Variants in SLC33A1 observed in about 807,000 individuals in gnomAD.
SLC33A1 encodes acetyl-coenzyme A transporter 1.
Under a neutral mutation model 50.0 loss-of-function variants are expected in SLC33A1, and 20 were observed. That is an observed-to-expected ratio of 0.40 (90% confidence interval 0.28 to 0.58). The LOEUF is 0.58. Among genes scored for constraint, SLC33A1 ranks in the 20% least tolerant of loss-of-function variants. The pLI, the probability that SLC33A1 is intolerant of heterozygous loss-of-function variation, is 0.44. For synonymous variants in SLC33A1, 265 were observed against 251.8 expected (o/e 1.05, Z -0.50); for missense variants, 476 against 657.0 (o/e 0.72, Z 3.01).
At position 155,853,616 on chromosome 3, in the gene SLC33A1, A is replaced by G. The variant is rs1362041838; in HGVS notation, c.382T>C (p.Leu128=). The part of the protein sequence containing the change: ...PFSLKLLWAP[L]VDAVYVKNFG... ...TTCTTAACGTAGACCGCATCAACCA[A>G]CGGGGCCCAGAGTAATTTGAGACTG... Residue 128 remains leucine (L), a synonymous_variant, in exon 1 of 6, where the codon TTG becomes CTG. Transcript: ENST00000643144. 6.2e-7 allele frequency: 1 copy of G among 1,614,174 alleles called. No individual in the cohort carries two copies.
chr3:155,849,600 A>AAG (rs1753315967), intron 1 of SLC33A1, among the ~76,000 whole-genome samples: 1 of 149,998 alleles, frequency 6.7e-6, no homozygotes. Context: ...AAAAAAAAAA[A>AAG]GGGGCAATTC....
In SLC33A1 at chr3:155,829,688, C is replaced by T. The variant is rs1421329552; in HGVS notation, c.1482G>A (p.Glu494=). The part of the protein sequence containing the change: ...NQNCRTPDAV[E]LCKKLGGSCV... Reference sequence around the variant, plus strand: ...TTATCTAAAATTAAAACATACTTACCTCAACAGCATCAGGTGTTCGACAAT... The same window carrying T: ...TTATCTAAAATTAAAACATACTTACTTCAACAGCATCAGGTGTTCGACAAT... The change falls in exon 5 of 6, where the codon GAG becomes GAA. Residue 494 remains glutamate, a splice_region_variant and synonymous_variant. Transcript: ENST00000643144. The T allele has an allele frequency of 1.9e-6, 3 of 1,604,560 alleles. No individual in the cohort carries two copies. The highest frequency in any genetic ancestry group is 2.6e-6 in the Non-Finnish European group (3 of 1,171,560).
chr3:155,838,619 T>G (rs1358527497), intron 2 of SLC33A1, among the ~76,000 whole-genome samples: 1 of 146,580 alleles, frequency 6.8e-6, no homozygotes, highest in Non-Finnish European at 1.5e-5. Context: ...AGGAGGAGGT[T>G]GCAGTGAGCA....
rs765973422 is a variant in SLC33A1 at position 155,854,009 on chromosome 3, T to C, written c.-12A>G. 6.5e-7 allele frequency: 1 copy of C among 1,535,736 alleles called. No homozygotes were observed. The highest frequency in any genetic ancestry group is 2.2e-5 in the Admixed American group (1 of 45,148). ...ATGGTGGGTGACATATCAGAGACGA[T>C]GCAGAGCCCCGTCTGTGGGGGGCCG... On this transcript the variant is annotated 5_prime_UTR_variant, in exon 1 of 6. Coordinates refer to ENST00000643144, the MANE Select transcript of SLC33A1 (RefSeq NM_004733.4).
At position 155,826,398 on chromosome 3, in the gene SLC33A1, A is replaced by C. The variant is rs1420126272; in HGVS notation, c.*1812T>G. On this transcript the variant is annotated 3_prime_UTR_variant, in exon 6 of 6. Transcript: ENST00000643144. The stretch of plus-strand genomic sequence containing the variant: ...TGAGACTCTGTCTCAATTAAAAAAA[A>C]AAAAAACTATGTTTGAAAGTATATA... 1 of 152,136 alleles carries C rather than the reference A, an allele frequency of 6.6e-6. No individual in the cohort carries two copies. The highest frequency in any genetic ancestry group is 1.5e-5 in the Non-Finnish European group (1 of 68,030). The allele number at this position is 152,136 out of a possible 1,614,324, so 9.4% of individuals were successfully genotyped here.
chr3:155,841,663 C>T (rs1291987332), intron 2 of SLC33A1, among the ~76,000 whole-genome samples: 1 of 151,974 alleles, frequency 6.6e-6, no homozygotes. Flanking sequence ...GTATAATTTT[C>T]CTTTCAGTAC....
In SLC33A1 at chr3:155,821,821, G is replaced by A. The variant is rs560723366; in HGVS notation, c.*6389C>T. On this transcript the variant is annotated 3_prime_UTR_variant, in exon 6 of 6. Coordinates refer to ENST00000643144, the MANE Select transcript of SLC33A1 (RefSeq NM_004733.4). ...TGAGTCTCACTCTATTGCCCAGGCT[G>A]GAGAATAGTAGCACAATCTCGGCTC... 1 of 149,948 alleles carries A rather than the reference G, an allele frequency of 6.7e-6. No individual in the cohort carries two copies. The highest frequency in any genetic ancestry group is 1.5e-5 in the Non-Finnish European group (1 of 67,708). The allele number at this position is 149,948 out of a possible 1,614,324, so 9.3% of individuals were successfully genotyped here. A position where few individuals can be genotyped will look rare whatever the true frequency, so the allele number is the denominator to read the frequency against.
chr3:155,847,310 T>C (rs1371737323), intron 1 of SLC33A1, among the ~76,000 whole-genome samples: 1 of 152,220 alleles, frequency 6.6e-6, no homozygotes, highest in Non-Finnish European at 1.5e-5. Flanking sequence ...TATGTAAGAA[T>C]ACCTGGTCTA....
At chr3:155,850,276 G>A (rs1753347073) in intron 1 of SLC33A1, among the ~76,000 whole-genome samples, 1 of 152,066 alleles carries the variant, frequency 6.6e-6, no homozygotes, top group East Asian at 1.9e-4. Flanking sequence ...CAAAGTGTTG[G>A]GATTACAGGC....
At chr3:155,851,762 G>A (rs1360982779) in intron 1 of SLC33A1, among the ~76,000 whole-genome samples, 3 of 152,096 alleles carry the variant, frequency 2.0e-5, no homozygotes, top group Non-Finnish European at 2.9e-5. Flanking sequence ...CCAGAACACT[G>A]AGACAAATCT....
chr3:155,830,839 CTG>C (rs1752397800), intron 4 of SLC33A1, among the ~76,000 whole-genome samples: 1 of 152,008 alleles, frequency 6.6e-6, no homozygotes, highest in South Asian at 2.1e-4. Context: ...ATGTGACAAA[CTG>C]GAGAAAAACA....
intron 5 of SLC33A1, among the ~76,000 whole-genome samples, chr3:155,829,303 A>G (rs1015235432): frequency 6.6e-6 from 1 of 152,240 alleles, no homozygotes; most frequent in African/African-American, 2.4e-5. Context: ...GAAAGAATTT[A>G]TCAACAAACC....
intron 1 of SLC33A1, among the ~76,000 whole-genome samples, chr3:155,848,448 C>T (rs542673615): frequency 1.2e-4 from 18 of 152,154 alleles, no homozygotes; most frequent in East Asian, 3.9e-4. Context: ...TTTGGGAGGC[C>T]GAGGCAGGCA....
At chr3:155,836,212 A>C (rs1410979152) in intron 2 of SLC33A1, among the ~76,000 whole-genome samples, 1 of 126,740 alleles carries the variant, frequency 7.9e-6, no homozygotes, top group East Asian at 2.8e-4. Flanking sequence ...TGAACCTGGG[A>C]GGTGGAAGTT....
In SLC33A1 at chr3:155,833,911, T is replaced by C. The variant is rs1353539345; in HGVS notation, c.1094A>G (p.Lys365Arg). 3 of 1,613,984 alleles carry C rather than the reference T, an allele frequency of 1.9e-6. No homozygotes were observed. Among genetic ancestry groups the C allele is most frequent in the South Asian group, 1.1e-5 (1 of 91,080 alleles). Residue 365 changes from lysine to arginine, a missense_variant, in exon 3 of 6, where the codon AAA (lysine) becomes AGA (arginine). Physicochemically the swap from Lys to Arg is conservative, Grantham distance 26. Transcript: ENST00000643144. ...TAATGGCTGGGGACCTGCAGTGTAT[T>C]TGCTGATAATCAGAGGCAGTATTAT... is the stretch of plus-strand genomic sequence containing the variant. ...LQIILPLIIS[K>R]YTAGPQPLNT...
intron 4 of SLC33A1, among the ~76,000 whole-genome samples, chr3:155,832,213 A>G (rs1752466393): frequency 6.6e-6 from 1 of 152,094 alleles, no homozygotes; most frequent in Non-Finnish European, 1.5e-5. Context: ...CCCCGTCTCT[A>G]CTAAAAAAAT....
chr3:155,846,229 T>G (rs907267834), intron 1 of SLC33A1, among the ~76,000 whole-genome samples: 3 of 152,194 alleles, frequency 2.0e-5, no homozygotes, highest in African/African-American at 7.2e-5. Context: ...TACTCCTACT[T>G]TATATACAAG....
chr3:155,846,259 G>GAAAGTGCCAGAAATGGCATTC lies in SLC33A1; in HGVS notation c.776-3661_776-3641dup, dbSNP rs1753170247. On this transcript the variant is annotated intron_variant, in intron 1 of 5. Transcript: ENST00000643144. ...TACAAGGAAACAGAATCACAAGCCA[G>GAAAGTGCCAGAAATGGCATTC]AAAGTGCCAGAAATGGCATTCAAAC... 2.0e-5 allele frequency among the ~76,000 whole-genome samples: 3 copies of GAAAGTGCCAGAAATGGCATTC among 152,318 alleles called. No individual in the cohort carries two copies. In the South Asian group the frequency reaches 6.2e-4, roughly 32 times the overall value.
chr3:155,828,321 C>T lies in SLC33A1; in HGVS notation c.1539G>A (p.Glu513=). 6.2e-7 allele frequency: 1 copy of T among 1,605,880 alleles called. No homozygotes were observed. The highest frequency in any genetic ancestry group is 1.1e-5 in the South Asian group (1 of 90,926). ...CVTALDGYYV[E]SIICVFIGFG... is the part of the protein sequence containing the mutation. The stretch of plus-strand genomic sequence containing the variant: ...ATCCAATGAAAACACAAATAATGGA[C>T]TCCACATAATAACCATCCAGGGCTG... The change falls in exon 6 of 6, where the codon GAG becomes GAA. Residue 513 remains glutamate (E), a synonymous_variant. Coordinates refer to ENST00000643144, the MANE Select transcript of SLC33A1 (RefSeq NM_004733.4).
Sources: gnomAD v4.1 joint callset for allele counts (sites outside exome capture counted in the v4.1 genomes callset) on GRCh38, gnomAD v4.1.1 for gene constraint, MANE v1.5 for transcripts, NCBI Gene and HGNC (gene_info 2026-07-23, HGNC 2026-07-21) for gene names.